The following PMEPA1 variants were observed in gnomAD, a reference collection of about 807,000 sequenced individuals.
PMEPA1 encodes protein TMEPAI.
A neutral mutation model predicts 23.0 loss-of-function variants in PMEPA1; 11 were observed. That is an observed-to-expected ratio of 0.48 (90% CI 0.30 to 0.79). PMEPA1 has a LOEUF of 0.79. PMEPA1 is among the 30% of genes least tolerant of loss of function. The pLI is 0.06. For missense variants in PMEPA1, 377 were observed against 390.9 expected (o/e 0.96, Z 0.30); for synonymous variants, 204 against 166.4 (o/e 1.23, Z -1.74).
rs1242416827 is a variant in PMEPA1, at chr20:57,653,058, G to A, written c.293C>T (p.Thr98Ile). ...CTCTGGGATTCCGTTGCCTGACACT[G>A]TGCTCTCCGAGGGCCACAGGCATCC... is the stretch of plus-strand genomic sequence containing the variant. ...SEGCLWPSES[T>I]VSGNGIPEPQ... Residue 98 changes from threonine (T) to isoleucine (I), a missense_variant, in exon 3 of 4, where the codon ACA (threonine) becomes ATA (isoleucine). Physicochemically the swap from Thr to Ile is moderately conservative, Grantham distance 89 (BLOSUM62 -1). Around this residue, in one of 3 missense-constraint regions of PMEPA1, gnomAD observed 198 missense variants for 196.3 expected, o/e 1.01. Coordinates refer to ENST00000341744, the MANE Select transcript of PMEPA1 (RefSeq NM_020182.5). The A allele has an allele frequency of 1.9e-6, 3 of 1,594,442 alleles. No individual in the cohort carries two copies. Among genetic ancestry groups the A allele is most frequent in the Non-Finnish European group, 2.6e-6 (3 of 1,170,374 alleles).
intron 1 of PMEPA1, among the ~76,000 whole-genome samples, chr20:57,692,659 C>T (rs927771235): frequency 6.6e-6 from 1 of 152,364 alleles, no homozygotes; most frequent in East Asian, 1.9e-4. Context: ...GGCTGTCCCA[C>T]CCCATGCCAG....
intron 1 of PMEPA1, among the ~76,000 whole-genome samples, chr20:57,671,409 G>A (rs781050212): frequency 5.3e-5 from 8 of 152,256 alleles, no homozygotes; most frequent in Non-Finnish European, 1.2e-4. Flanking sequence ...AGTCTTCTTG[G>A]AGGATATTGA....
chr20:57,693,620 T>C (rs909417753), intron 1 of PMEPA1, among the ~76,000 whole-genome samples: 2 of 152,186 alleles, frequency 1.3e-5, no homozygotes, highest in African/African-American at 4.8e-5. Context: ...GCTAAAAAGG[T>C]ACATGAGGAG....
chr20:57,667,002 A>G (rs960973946), intron 1 of PMEPA1, among the ~76,000 whole-genome samples: 2 of 152,220 alleles, frequency 1.3e-5, no homozygotes, highest in African/African-American at 4.8e-5. Context: ...ATACAGAAAT[A>G]TAATTGCATT....
Position 57,656,387 on chromosome 20 carries a change from C to T in PMEPA1, c.264+3156G>A, listed in dbSNP as rs1195612275. ...GGTTCTCTCGGGAGCAGGAGACCCA[C>T]ACTGAGGACTGATTGGGGGATAAAG... On this transcript the variant is annotated intron_variant, in intron 2 of 3. Coordinates refer to ENST00000341744, the MANE Select transcript of PMEPA1 (RefSeq NM_020182.5). The surrounding 1 kb of genome is among the most constrained non-coding windows in gnomAD (Gnocchi z 4.7). Among the ~76,000 whole-genome samples the T allele has an allele frequency of 6.6e-6, 1 of 151,798 alleles. No homozygotes were observed. Among genetic ancestry groups the T allele is most frequent in the African/African-American group, 2.4e-5 (1 of 41,398 alleles).
At chr20:57,710,308 CG>C, upstream of PMEPA1, 1 of 770,224 alleles carries the variant, frequency 1.3e-6, no homozygotes. Context: ...CGCACCCGGG[CG>C]GGTTGCTGGT....
At chr20:57,705,912 G>C (rs1444445325) in intron 1 of PMEPA1, among the ~76,000 whole-genome samples, 1 of 152,172 alleles carries the variant, frequency 6.6e-6, no homozygotes, top group Non-Finnish European at 1.5e-5. Flanking sequence ...GAATTACCGG[G>C]CTCAGAATGT....
intron 1 of PMEPA1, among the ~76,000 whole-genome samples, chr20:57,672,299 G>A (rs1027884445): frequency 1.3e-5 from 2 of 152,266 alleles, no homozygotes; most frequent in Non-Finnish European, 2.9e-5. Flanking sequence ...GTGCTCCTTG[G>A]TAACCAGCAG....
intron 1 of PMEPA1, among the ~76,000 whole-genome samples, chr20:57,706,038 A>G (rs905097493): frequency 4.6e-5 from 7 of 152,126 alleles, no homozygotes; most frequent in African/African-American, 1.4e-4. Context: ...ATATTTTCTC[A>G]TATTTGTTTG....
chr20:57,681,431 G>A (rs1158259445), intron 1 of PMEPA1, among the ~76,000 whole-genome samples: 1 of 152,188 alleles, frequency 6.6e-6, no homozygotes. Context: ...GCCATCTGCG[G>A]GTGACAGCGA....
intron 1 of PMEPA1, among the ~76,000 whole-genome samples, chr20:57,668,235 C>T (rs2071521003): frequency 6.6e-6 from 1 of 152,238 alleles, no homozygotes; most frequent in South Asian, 2.1e-4. Flanking sequence ...AGGGCCTGCG[C>T]TGGCTCCCTG....
chr20:57,677,257 AC>A (rs1319675058), intron 1 of PMEPA1, among the ~76,000 whole-genome samples: 1 of 152,152 alleles, frequency 6.6e-6, no homozygotes, highest in Non-Finnish European at 1.5e-5. Flanking sequence ...CCTTGTCTGT[AC>A]CATGGAGTGA....
intron 1 of PMEPA1, among the ~76,000 whole-genome samples, chr20:57,663,893 G>A (rs56276414): frequency 0.013 from 2,050 of 152,302 alleles, 33 homozygotes; most frequent in Non-Finnish European, 0.023. Context: ...AAGCCCCACC[G>A]GCGCGGATGC....
intron 1 of PMEPA1, among the ~76,000 whole-genome samples, chr20:57,698,711 T>C (rs1381712807): frequency 6.6e-6 from 1 of 152,178 alleles, no homozygotes; most frequent in Non-Finnish European, 1.5e-5. Flanking sequence ...TCCTGCAGGG[T>C]TCCCAGACCT....
At chr20:57,653,146 C>T (rs1268483912) in intron 2 of PMEPA1, 60 bp from the exon 3 acceptor site, 2 of 1,395,546 alleles carry the variant, frequency 1.4e-6, no homozygotes, top group Admixed American at 2.0e-5. Context: ...ACAGCAAAGG[C>T]TCAACCCAGA....
chr20:57,680,342 C>T (rs157096), intron 1 of PMEPA1, among the ~76,000 whole-genome samples: 38,339 of 152,134 alleles, frequency 0.25, 4,770 homozygotes, highest in Admixed American at 0.28. Flanking sequence ...GTTCTTCTAC[C>T]GGAGATGATT....
At chr20:57,680,994 G>A (rs1013502854) in intron 1 of PMEPA1, among the ~76,000 whole-genome samples, 2 of 152,216 alleles carry the variant, frequency 1.3e-5, no homozygotes, top group African/African-American at 4.8e-5. Context: ...CCGGGTCAGT[G>A]AGGAAGGGAG....
chr20:57,667,799 T>TA (rs2071515246), intron 1 of PMEPA1, among the ~76,000 whole-genome samples: 1 of 152,164 alleles, frequency 6.6e-6, no homozygotes, highest in East Asian at 1.9e-4. Flanking sequence ...CTTCATTTAC[T>TA]GCCCTCTCCC....
intron 1 of PMEPA1, among the ~76,000 whole-genome samples, chr20:57,688,763 C>G (rs1158377975): frequency 6.6e-6 from 1 of 152,240 alleles, no homozygotes; most frequent in Admixed American, 6.5e-5. Context: ...GCCAGGGAAT[C>G]AAACTGGAGA....
Sources: gnomAD v4.1 joint callset for allele counts (sites outside exome capture counted in the v4.1 genomes callset) on GRCh38, gnomAD v4.1.1 for gene constraint, gnomAD v4.1.1 regional missense constraint, Gnocchi (gnomAD v3.1) non-coding constraint, MANE v1.5 for transcripts, NCBI Gene and HGNC (gene_info 2026-07-23, HGNC 2026-07-21) for gene names.